Variants in CBFA2T2 observed in about 807,000 individuals in gnomAD.
CBFA2T2 encodes protein CBFA2T2.
CBFA2T2 carries 11 observed loss-of-function variants against 62.2 expected under a neutral mutation model. The ratio of observed to expected loss-of-function variants is 0.18; its 90% CI spans 0.11 to 0.29. The LOEUF (loss-of-function observed/expected upper bound fraction) is 0.29, where lower values mean the gene tolerates loss of function less well. CBFA2T2 is among the 10% of genes least tolerant of loss of function. The pLI, the probability that CBFA2T2 is intolerant of heterozygous loss-of-function variation, is 1.00. For missense variants in CBFA2T2, 592 were observed against 774.1 expected, an observed-to-expected ratio of 0.76 and a Z score of 2.79; for synonymous variants, 295 against 287.5, an observed-to-expected ratio of 1.03 and a Z score of -0.27.
intron 1 of CBFA2T2, among the ~76,000 whole-genome samples, chr20:33,557,004 CTTTTTTTTT>C (rs751836572): frequency 2.8e-4 from 13 of 46,200 alleles, no homozygotes; most frequent in South Asian, 1.0e-3. Context: ...GCATGCTTAT[CTTTTTTTTT>C]TTTTTTTTTT....
chr20:33,509,646 T>C (rs947491475), intron 1 of CBFA2T2, among the ~76,000 whole-genome samples: 1 of 151,890 alleles, frequency 6.6e-6, no homozygotes, highest in Non-Finnish European at 1.5e-5. Flanking sequence ...TGGCCCAATG[T>C]GATGAAACCT....
intron 6 of CBFA2T2, among the ~76,000 whole-genome samples, chr20:33,626,131 C>CA (rs894551284): frequency 2.0e-5 from 3 of 151,020 alleles, no homozygotes; most frequent in Non-Finnish European, 3.0e-5. Context: ...AAAAAACAAA[C>CA]AAAAAAAATG....
At chr20:33,563,912 A>C (rs1349323631) in intron 1 of CBFA2T2, among the ~76,000 whole-genome samples, 1 of 151,974 alleles carries the variant, frequency 6.6e-6, no homozygotes, top group Admixed American at 6.6e-5. Flanking sequence ...TCTATTCTAA[A>C]TGTTCTATGC....
At chr20:33,580,339 G>T (rs2014055266) in intron 1 of CBFA2T2, among the ~76,000 whole-genome samples, 1 of 152,136 alleles carries the variant, frequency 6.6e-6, no homozygotes, top group African/African-American at 2.4e-5. Flanking sequence ...AATAAAGCCA[G>T]TATGTACTAT....
intron 8 of CBFA2T2, among the ~76,000 whole-genome samples, chr20:33,632,549 A>C (rs1180475599): frequency 6.8e-6 from 1 of 147,000 alleles, no homozygotes; most frequent in Non-Finnish European, 1.5e-5. Flanking sequence ...GCTCACTGCA[A>C]CCTCTGCGTC....
intron 1 of CBFA2T2, among the ~76,000 whole-genome samples, chr20:33,521,141 A>G (rs1392055016): frequency 1.3e-5 from 2 of 152,156 alleles, no homozygotes; most frequent in Non-Finnish European, 2.9e-5. Flanking sequence ...ATTATAAAGT[A>G]TACAACTAGG....
chr20:33,586,959 T>C (rs1308525907), intron 1 of CBFA2T2, among the ~76,000 whole-genome samples: 1 of 152,220 alleles, frequency 6.6e-6, no homozygotes, highest in Non-Finnish European at 1.5e-5. Context: ...ATTTTATTTT[T>C]GAGTTAGGGT....
chr20:33,545,015 C>CAGAAT (rs1208408551), intron 1 of CBFA2T2, among the ~76,000 whole-genome samples: 1 of 115,138 alleles, frequency 8.7e-6, no homozygotes, highest in Non-Finnish European at 1.9e-5. Flanking sequence ...TAGAATAGAA[C>CAGAAT]AGAACAGAAT....
chr20:33,596,919 GT>G (rs59278499), intron 1 of CBFA2T2, among the ~76,000 whole-genome samples: 41,880 of 125,066 alleles, frequency 0.33, 5,284 homozygotes, highest in African/African-American at 0.44. Context: ...CTTGACCTCT[GT>G]TTTTTTTTTT....
chr20:33,574,672 A>T (rs1268710739), intron 1 of CBFA2T2, among the ~76,000 whole-genome samples: 3 of 152,244 alleles, frequency 2.0e-5, no homozygotes, highest in African/African-American at 7.2e-5. Context: ...TTTCTTTTTA[A>T]GCAGGGAAGC....
chr20:33,617,624 C>G (rs2015758725), intron 3 of CBFA2T2, among the ~76,000 whole-genome samples: 1 of 152,130 alleles, frequency 6.6e-6, no homozygotes, highest in South Asian at 2.1e-4. Context: ...TTTTCAAGAC[C>G]TGATTGCTTC....
chr20:33,593,192 C>T (rs1057060729), intron 1 of CBFA2T2, among the ~76,000 whole-genome samples: 2 of 151,854 alleles, frequency 1.3e-5, no homozygotes. Context: ...ATTAGCTGAG[C>T]TTGGTGGCAT....
At chr20:33,580,763 G>T (rs1349832670) in intron 1 of CBFA2T2, among the ~76,000 whole-genome samples, 1 of 152,130 alleles carries the variant, frequency 6.6e-6, no homozygotes, top group Admixed American at 6.5e-5. Flanking sequence ...CAAGGTGGGA[G>T]AATCACCCTG....
intron 1 of CBFA2T2, among the ~76,000 whole-genome samples, chr20:33,554,243 T>C (rs1211761884): frequency 6.6e-6 from 1 of 151,882 alleles, no homozygotes; most frequent in Non-Finnish European, 1.5e-5. Flanking sequence ...TGTTTATTTT[T>C]CTTACTTTTT....
intron 7 of CBFA2T2, 58 bp downstream of exon 7, chr20:33,628,493 G>C: frequency 1.7e-6 from 2 of 1,207,940 alleles, no homozygotes; most frequent in Non-Finnish European, 2.5e-6. Context: ...TTTGAAACAG[G>C]AGTCTCGCTC....
At chr20:33,592,466 T>A (rs2014703999) in intron 1 of CBFA2T2, among the ~76,000 whole-genome samples, 1 of 144,210 alleles carries the variant, frequency 6.9e-6, no homozygotes, top group Admixed American at 7.0e-5. Context: ...AAAATTATGC[T>A]ATGTAGTTCT....
intron 3 of CBFA2T2, among the ~76,000 whole-genome samples, chr20:33,614,991 T>G (rs925330116): frequency 1.3e-5 from 2 of 152,226 alleles, no homozygotes; most frequent in African/African-American, 4.8e-5. Context: ...TTACAAATAA[T>G]GTTCCTATGA....
chr20:33,568,321 ATATT>A (rs897319337), intron 1 of CBFA2T2, among the ~76,000 whole-genome samples: 5 of 152,172 alleles, frequency 3.3e-5, no homozygotes, highest in African/African-American at 1.2e-4. Context: ...GGAGTCTTGG[ATATT>A]TTTACTGTCT....
chr20:33,535,665 AT>A (rs756786371), intron 1 of CBFA2T2, among the ~76,000 whole-genome samples: 54 of 115,252 alleles, frequency 4.7e-4, no homozygotes, highest in Non-Finnish European at 8.3e-4. Context: ...ATTTTATTTT[AT>A]TTTATTTATT....
Sources: gnomAD v4.1 joint callset for allele counts (sites outside exome capture counted in the v4.1 genomes callset) on GRCh38, gnomAD v4.1.1 for gene constraint, MANE v1.5 for transcripts, NCBI Gene and HGNC (gene_info 2026-07-23, HGNC 2026-07-21) for gene names.